ATP11C: variants seen among roughly 807,000 people sequenced by gnomAD.
The protein encoded by ATP11C is ATPase phospholipid transporting 11C (ATP11C blood group), also known as phospholipid-transporting ATPase IG.
ATP11C carries 36 observed loss-of-function variants against 97.4 expected under a neutral mutation model. The ratio of observed to expected loss-of-function variants is 0.37; its 90% CI spans 0.28 to 0.49. ATP11C has a LOEUF of 0.49. Among genes scored for constraint, ATP11C ranks in the 20% least tolerant of loss-of-function variants. The pLI, the probability that ATP11C is intolerant of heterozygous loss-of-function variation, is 0.98. For missense variants in ATP11C, 730 were observed against 824.6 expected, an observed-to-expected ratio of 0.89 and a Z score of 1.40; for synonymous variants, 275 against 290.9, an observed-to-expected ratio of 0.95 and a Z score of 0.56.
Position 139,768,426 on chromosome X carries a change from G to T in ATP11C, c.2225C>A (p.Thr742Lys). 2 of 1,102,067 alleles carry T rather than the reference G, an allele frequency of 1.8e-6. No individual in the cohort carries two copies. Among genetic ancestry groups the T allele is most frequent in the Non-Finnish European group, 2.4e-6 (2 of 835,901 alleles). The allele number at this position is 1,102,067 out of a possible 1,213,427, so 90.8% of individuals were successfully genotyped here. The change falls in exon 20 of 30, where the codon ACA becomes AAA. Residue 742 changes from threonine (T) to lysine (K), a missense_variant. Physicochemically the swap from Thr to Lys is moderately conservative, Grantham distance 78. Coordinates refer to ENST00000682941, the MANE Select transcript of ATP11C (RefSeq NM_001353812.2). ...KSTRSFKKAW[T>K]EHQEYGLIID... ...GATTAATCCATATTCCTGATGTTCT[G>T]TCCATGCTCTGAAAAAGAGAAACAA...
At position 139,783,230 on chromosome X, in the gene ATP11C, T is replaced by A; in HGVS notation, c.1704A>T (p.Ala568=). The A allele has an allele frequency of 8.3e-7, 1 of 1,205,894 alleles. No individual in the cohort carries two copies. The highest frequency in any genetic ancestry group is 1.1e-6 in the Non-Finnish European group (1 of 890,716). Residue 568 remains alanine, a synonymous_variant, in exon 17 of 30, where the codon GCA becomes GCT. Transcript: ENST00000682941. Reference sequence around the variant, plus strand: ...CATGATTTTGCACTCTGGGAAAAACTGCCGAGTCTGCTCCTTTACAAAAGA... The same window carrying A: ...CATGATTTTGCACTCTGGGAAAAACAGCCGAGTCTGCTCCTTTACAAAAGA... ...ILLFCKGADS[A]VFPRVQNHEI... is the part of the protein sequence containing the mutation.
intron 1 of ATP11C, among the ~76,000 whole-genome samples, chrX:139,911,374 T>C (rs2085071957): frequency 8.9e-6 from 1 of 111,859 alleles, no homozygotes; most frequent in South Asian, 3.7e-4. Flanking sequence ...TGCAAAAATG[T>C]TTAACTTCAT....
intron 4 of ATP11C, 75 bp downstream of exon 4, chrX:139,816,788 A>C: frequency 1.5e-6 from 1 of 680,544 alleles, no homozygotes; most frequent in Non-Finnish European, 2.3e-6. Context: ...TATAAATATG[A>C]AAAAGAGCCT....
At chrX:139,907,118 T>A (rs1452350340) in intron 1 of ATP11C, among the ~76,000 whole-genome samples, 1 of 111,479 alleles carries the variant, frequency 9.0e-6, no homozygotes. Flanking sequence ...CTTTCCTTTA[T>A]CACTCATCAC....
intron 25 of ATP11C, among the ~76,000 whole-genome samples, 160 bp from the exon 26 acceptor site, chrX:139,743,784 A>G (rs2081621815): frequency 8.9e-6 from 1 of 111,848 alleles, no homozygotes; most frequent in Non-Finnish European, 1.9e-5. Context: ...TCAGGCCACA[A>G]TGCCAGATTT....
At chrX:139,797,155 T>C (rs1442054288) in intron 11 of ATP11C, 21 bp downstream of exon 11, 1 of 1,194,080 alleles carries the variant, frequency 8.4e-7, no homozygotes, top group Non-Finnish European at 1.1e-6. Flanking sequence ...TAGTTTCAAT[T>C]TTCAGCAGAA....
intron 12 of ATP11C, among the ~76,000 whole-genome samples, chrX:139,795,354 T>C (rs192958941): frequency 1.7e-3 from 195 of 111,652 alleles, no homozygotes; most frequent in Non-Finnish European, 3.0e-3. Context: ...ACAGAAAGCA[T>C]GGACTGCGGA....
intron 1 of ATP11C, among the ~76,000 whole-genome samples, chrX:139,830,705 C>A (rs1217706387): frequency 8.9e-6 from 1 of 111,971 alleles, no homozygotes; most frequent in Non-Finnish European, 1.9e-5. Context: ...AAAAAAATTT[C>A]TTATTAAAAT....
intron 5 of ATP11C, among the ~76,000 whole-genome samples, chrX:139,808,942 G>C (rs747406509): frequency 9.0e-6 from 1 of 110,622 alleles, no homozygotes; most frequent in Non-Finnish European, 1.9e-5. Context: ...GCAAAACCCC[G>C]TCTCTACCAA....
chrX:139,898,370 G>A (rs1019351098), intron 1 of ATP11C, among the ~76,000 whole-genome samples: 3 of 111,862 alleles, frequency 2.7e-5, no homozygotes, highest in Non-Finnish European at 5.6e-5. Flanking sequence ...AGCAAAAGAA[G>A]CACAGTAGTG....
At chrX:139,802,973 G>A (rs1056324217) in intron 6 of ATP11C, among the ~76,000 whole-genome samples, 1 of 111,722 alleles carries the variant, frequency 9.0e-6, no homozygotes, top group Non-Finnish European at 1.9e-5. Context: ...CAAGGCAGGC[G>A]CCAATGAACC....
chrX:139,892,818 A>C (rs2084750134), intron 1 of ATP11C, among the ~76,000 whole-genome samples: 1 of 111,949 alleles, frequency 8.9e-6, no homozygotes, highest in Admixed American at 9.5e-5. Flanking sequence ...TCAAAGCCTC[A>C]TTCAGGGCTG....
chrX:139,874,405 G>C lies in ATP11C; in HGVS notation c.28-47582C>G, dbSNP rs2084434181. On this transcript the variant is annotated intron_variant, in intron 1 of 29. Coordinates refer to ENST00000682941, the MANE Select transcript of ATP11C (RefSeq NM_001353812.2). ...TTCTGTGAGATAATACCTGTACAGT[G>C]CACATCATAGGGACTGGAATATAAA... Among the ~76,000 whole-genome samples the C allele has an allele frequency of 1.8e-5, 2 of 109,595 alleles. 1 individual carries two copies. Among genetic ancestry groups the C allele is most frequent in the Admixed American group, 2.0e-4 (2 of 10,177 alleles).
At chrX:139,745,622 T>C in intron 25 of ATP11C, 100 bp downstream of exon 25, 3 of 895,995 alleles carry the variant, frequency 3.3e-6, no homozygotes, top group Non-Finnish European at 4.5e-6. Flanking sequence ...GTTTGTAAAA[T>C]GATTACAGCT....
In ATP11C at chrX:139,770,418, A is replaced by G. The variant is rs756615188; in HGVS notation, c.2217-1984T>C. ...TAGAATGTATGTTGGGGTGCACTGCAAAAGCAGGTTGAAAAGGTCACTTAA... is the reference window on the plus strand; with the variant it reads ...TAGAATGTATGTTGGGGTGCACTGCGAAAGCAGGTTGAAAAGGTCACTTAA... On this transcript the variant is annotated intron_variant, in intron 19 of 29. Transcript: ENST00000682941. 1.6e-3 allele frequency among the ~76,000 whole-genome samples: 182 copies of G among 112,304 alleles called. 2 individuals carry two copies. Among genetic ancestry groups the G allele is most frequent in the African/African-American group, 5.6e-3 (174 of 30,913 alleles).
At chrX:139,890,151 C>T (rs2084705661) in intron 1 of ATP11C, among the ~76,000 whole-genome samples, 1 of 111,201 alleles carries the variant, frequency 9.0e-6, no homozygotes, top group Non-Finnish European at 1.9e-5. Context: ...CCCTAAAGGG[C>T]TTTTCTCTCT....
At chrX:139,760,306 T>A (rs943086546) in intron 22 of ATP11C, among the ~76,000 whole-genome samples, 8 of 111,892 alleles carry the variant, frequency 7.1e-5, no homozygotes, top group African/African-American at 2.6e-4. Context: ...GTTACCATCA[T>A]CATTATCATC....
At chrX:139,904,131 T>C (rs2084939007) in intron 1 of ATP11C, among the ~76,000 whole-genome samples, 1 of 112,155 alleles carries the variant, frequency 8.9e-6, no homozygotes, top group African/African-American at 3.2e-5. Flanking sequence ...ATTTGTGAAT[T>C]TTCTGCTTTT....
intron 1 of ATP11C, 40 bp from the exon 2 acceptor site, chrX:139,826,863 C>T: frequency 8.5e-7 from 1 of 1,171,448 alleles, no homozygotes; most frequent in Non-Finnish European, 1.1e-6. Flanking sequence ...TTTTTCATCA[C>T]ATTTGTCCAC....
Sources: gnomAD v4.1 joint callset for allele counts (sites outside exome capture counted in the v4.1 genomes callset) on GRCh38, gnomAD v4.1.1 for gene constraint, MANE v1.5 for transcripts, NCBI Gene and HGNC (gene_info 2026-07-23, HGNC 2026-07-21) for gene names.